The following MED12L variants were observed in gnomAD, a reference collection of about 807,000 sequenced individuals.
MED12L encodes mediator of RNA polymerase II transcription subunit 12-like protein.
A neutral mutation model predicts 281.3 loss-of-function variants in MED12L; 60 were observed. That is an observed-to-expected ratio of 0.21 (90% CI 0.17 to 0.26). The LOEUF (loss-of-function observed/expected upper bound fraction) is 0.26, where lower values mean the gene tolerates loss of function less well. MED12L is among the 10% of genes least tolerant of loss of function. The pLI is 1.00. For synonymous variants in MED12L, 974 were observed against 987.2 expected (o/e 0.99, Z 0.25); for missense variants, 2,146 against 2,680.9 (o/e 0.80, Z 4.41).
chr3:151,155,001 T>G (rs1719078946), intron 5 of MED12L, among the ~76,000 whole-genome samples: 3 of 152,242 alleles, frequency 2.0e-5, no homozygotes, highest in Admixed American at 1.3e-4. Flanking sequence ...AAGACACAAT[T>G]AAAATAAGTG....
chr3:151,304,111 A>G (rs1321878306), intron 16 of MED12L, among the ~76,000 whole-genome samples: 1 of 152,136 alleles, frequency 6.6e-6, no homozygotes, highest in African/African-American at 2.4e-5. Flanking sequence ...GCCTAATGAC[A>G]GAGGGTTGAG....
rs112438183 is a variant in MED12L, at chr3:151,317,294, C to G, written c.2251-32765C>G. 6.8e-3 allele frequency among the ~76,000 whole-genome samples: 1,028 copies of G among 151,978 alleles called. 10 individuals are homozygous for G. Among genetic ancestry groups the G allele is most frequent in the South Asian group, 0.023 (112 of 4,820 alleles). The stretch of plus-strand genomic sequence containing the variant: ...CAATAGACATATTTTTACACATACA[C>G]AATGATAAGTATTCAAAATATGTTA... On this transcript the variant is annotated intron_variant, in intron 16 of 44. Transcript: ENST00000687756.
At chr3:151,250,639 T>C (rs2149447054) in intron 16 of MED12L, among the ~76,000 whole-genome samples, 1 of 152,350 alleles carries the variant, frequency 6.6e-6, no homozygotes, top group African/African-American at 2.4e-5. Flanking sequence ...TTCCGCTCTA[T>C]GTATATACCA....
intron 16 of MED12L, among the ~76,000 whole-genome samples, chr3:151,280,541 G>A (rs1742637680): frequency 6.6e-6 from 1 of 152,112 alleles, no homozygotes; most frequent in African/African-American, 2.4e-5. Flanking sequence ...ATTTGTTGGT[G>A]TCTAAATCGA....
intron 2 of MED12L, among the ~76,000 whole-genome samples, chr3:151,096,008 C>T (rs1226678602): frequency 1.3e-5 from 2 of 152,228 alleles, no homozygotes; most frequent in Non-Finnish European, 1.5e-5. Context: ...GATAAAAGTA[C>T]AGGCACAGAA....
intron 5 of MED12L, among the ~76,000 whole-genome samples, chr3:151,135,472 C>T (rs1460688393): frequency 2.6e-5 from 4 of 152,220 alleles, no homozygotes; most frequent in Non-Finnish European, 4.4e-5. Context: ...TGTGTTACTC[C>T]GTTGGGAACT....
intron 5 of MED12L, among the ~76,000 whole-genome samples, chr3:151,151,031 C>CTTTTTTTTTTTTTTTTTTTTTATTTTT (rs1718411399): frequency 3.0e-5 from 1 of 32,880 alleles, no homozygotes; most frequent in Non-Finnish European, 5.4e-5. Context: ...GCTGAAGTAG[C>CTTTTTTTTTTTTTTTTTTTTTATTTTT]TTTTTTTTTT....
At chr3:151,152,085 G>GCTTTTTTT (rs1269821388) in intron 5 of MED12L, among the ~76,000 whole-genome samples, 2 of 62,984 alleles carry the variant, frequency 3.2e-5, no homozygotes, top group Admixed American at 2.6e-4. Flanking sequence ...GTTGAAGGTG[G>GCTTTTTTT]TTTTTTTTTT....
intron 37 of MED12L, 104 bp from the exon 38 acceptor site, chr3:151,389,875 C>T (rs770253737): frequency 1.8e-6 from 2 of 1,085,006 alleles, no homozygotes; most frequent in Non-Finnish European, 2.7e-6. Flanking sequence ...CAGCTTTGTA[C>T]ATTGGGATAG....
chr3:151,354,106 A>T (rs1421299145), intron 17 of MED12L, among the ~76,000 whole-genome samples: 1 of 127,574 alleles, frequency 7.8e-6, no homozygotes, highest in Non-Finnish European at 1.6e-5. Context: ...CCGCCACTGC[A>T]CTCCAGCCTG....
At chr3:151,130,425 A>AACC (rs1715210850) in intron 5 of MED12L, among the ~76,000 whole-genome samples, 1 of 152,186 alleles carries the variant, frequency 6.6e-6, no homozygotes, top group Non-Finnish European at 1.5e-5. Context: ...ACTCTGGCCA[A>AACC]ACCACCACCA....
rs1160615602 is a variant in MED12L, at chr3:151,413,226, C to T, written c.6228C>T (p.Ser2076=). Residue 2076 remains serine (S), a synonymous_variant, in exon 42 of 45, where the codon TCC becomes TCT. Coordinates refer to ENST00000687756, the MANE Select transcript of MED12L (RefSeq NM_001393769.1). The part of the protein sequence containing the change: ...VLTSAHPNLP[S]VPLPQDPMRP... ...CTTCTGCACATCCAAACCTTCCCTC[C>T]GTGCCCCTGCCTCAGGATCCCATGA... The T allele has an allele frequency of 1.3e-5, 21 of 1,614,072 alleles. No homozygotes were observed. The highest frequency in any genetic ancestry group is 6.6e-5 in the South Asian group (6 of 91,084).
chr3:151,280,557 T>G (rs1210350452), intron 16 of MED12L, among the ~76,000 whole-genome samples: 1 of 152,124 alleles, frequency 6.6e-6, no homozygotes, highest in Non-Finnish European at 1.5e-5. Context: ...ATCGAATACC[T>G]TACAAACCAG....
At position 151,357,468 on chromosome 3, in the gene MED12L, C is replaced by G. The variant is rs548837191; in HGVS notation, c.2825+92C>G. 3.5e-6 allele frequency: 4 copies of G among 1,136,272 alleles called. No individual in the cohort carries two copies. In the South Asian group the frequency reaches 8.2e-5, roughly 23 times the overall value. 70.4% of individuals were successfully genotyped at this position (1,136,272 alleles called of 1,614,324 possible). A position where few individuals can be genotyped will look rare whatever the true frequency, so the allele number is the denominator to read the frequency against. On this transcript the variant is annotated intron_variant, in intron 20 of 44. Transcript: ENST00000687756. Reference sequence around the variant, plus strand: ...TAGTGGCTTTAAAAGAAAAATAGTACTGATACCTGTTTTAGTTAAAACATG... The same window carrying G: ...TAGTGGCTTTAAAAGAAAAATAGTAGTGATACCTGTTTTAGTTAAAACATG...
intron 16 of MED12L, among the ~76,000 whole-genome samples, chr3:151,243,276 A>C (rs1734613158): frequency 6.6e-6 from 1 of 151,752 alleles, no homozygotes; most frequent in Non-Finnish European, 1.5e-5. Flanking sequence ...CGCCACAAAG[A>C]TACTCCTCGA....
chr3:151,231,267 G>A (rs111452158), intron 16 of MED12L, among the ~76,000 whole-genome samples: 72 of 152,348 alleles, frequency 4.7e-4, no homozygotes, highest in African/African-American at 1.6e-3. Context: ...TGTGATAACT[G>A]ATTCAGGCAA....
chr3:151,097,567 A>G (rs1318964056), intron 2 of MED12L, among the ~76,000 whole-genome samples: 1 of 152,214 alleles, frequency 6.6e-6, no homozygotes, highest in Non-Finnish European at 1.5e-5. Flanking sequence ...TGCTAAGAGC[A>G]TTAGATATAG....
chr3:151,426,636 T>G (rs1471207768), intron 43 of MED12L, among the ~76,000 whole-genome samples: 6 of 152,222 alleles, frequency 3.9e-5, no homozygotes, highest in Non-Finnish European at 8.8e-5. Flanking sequence ...GTTCACAGAT[T>G]ATTGCAGACC....
intron 16 of MED12L, among the ~76,000 whole-genome samples, chr3:151,239,008 C>A (rs574149457): frequency 6.6e-6 from 1 of 152,260 alleles, no homozygotes; most frequent in African/African-American, 2.4e-5. Context: ...TGATAAAATT[C>A]AAGCTTTCAA....
Sources: allele counts gnomAD v4.1 joint callset (sites outside exome capture counted in the v4.1 genomes callset), GRCh38; gene constraint gnomAD v4.1.1; transcripts MANE v1.5; gene names NCBI Gene and HGNC (gene_info 2026-07-23, HGNC 2026-07-21).